Variants in PLA2G2C observed in about 807,000 individuals in gnomAD.
The protein encoded by PLA2G2C is phospholipase A2 group IIC, also known as putative inactive group IIC secretory phospholipase A2.
In PLA2G2C, 15 loss-of-function variants were observed where a neutral mutation model predicts 14.3. That is an observed-to-expected ratio of 1.05 (90% CI 0.70 to 1.62). The LOEUF is 1.62. Ranked by LOEUF, PLA2G2C falls within the 40% of genes most tolerant of loss-of-function variation. PLA2G2C has a pLI of 0.00. For synonymous variants in PLA2G2C, 79 were observed against 67.7 expected, an observed-to-expected ratio of 1.17 and a Z score of -0.82; for missense variants, 162 against 173.2, an observed-to-expected ratio of 0.94 and a Z score of 0.36.
At chr1:20,173,916 G>A (rs1223420403) in intron 3 of PLA2G2C, among the ~76,000 whole-genome samples, 1 of 152,188 alleles carries the variant, frequency 6.6e-6, no homozygotes, top group Admixed American at 6.5e-5. Context: ...GACCATCAAG[G>A]AGAGGGGACA....
chr1:20,171,681 C>A (rs2018076884), intron 4 of PLA2G2C, among the ~76,000 whole-genome samples: 1 of 152,150 alleles, frequency 6.6e-6, no homozygotes, highest in African/African-American at 2.4e-5. Context: ...ATAAATACAC[C>A]TGGGAAGGAA....
intron 4 of PLA2G2C, among the ~76,000 whole-genome samples, chr1:20,164,554 G>A (rs1207466408): frequency 6.6e-6 from 1 of 152,232 alleles, no homozygotes; most frequent in Non-Finnish European, 1.5e-5. Flanking sequence ...CGTGGGCTGC[G>A]TGGAGGGCCC....
intron 4 of PLA2G2C, among the ~76,000 whole-genome samples, chr1:20,164,586 C>T (rs1261384972): frequency 6.6e-6 from 1 of 152,194 alleles, no homozygotes; most frequent in Non-Finnish European, 1.5e-5. Context: ...GCCCAGGCAG[C>T]ACACAGGCCA....
At chr1:20,186,330 C>G (rs1011313105) in intron 1 of PLA2G2C, 30 bp downstream of exon 1, 6 of 152,262 alleles carry the variant, frequency 3.9e-5, no homozygotes, top group African/African-American at 1.2e-4. Flanking sequence ...AGTCTGCTCC[C>G]GAGGCAAAGC....
At chr1:20,165,206 T>A (rs575355389) in intron 4 of PLA2G2C, among the ~76,000 whole-genome samples, 3 of 152,280 alleles carry the variant, frequency 2.0e-5, no homozygotes, top group Admixed American at 2.0e-4. Context: ...TTGGACTTGC[T>A]GTTCTTTTTG....
intron 1 of PLA2G2C, among the ~76,000 whole-genome samples, chr1:20,180,870 C>T (rs1207906154): frequency 1.3e-5 from 2 of 152,198 alleles, no homozygotes; most frequent in Admixed American, 6.5e-5. Flanking sequence ...CATCTGGGTC[C>T]TTTCCTGGAC....
intron 1 of PLA2G2C, among the ~76,000 whole-genome samples, chr1:20,181,469 C>A (rs2018278208): frequency 1.3e-5 from 2 of 151,928 alleles, no homozygotes; most frequent in African/African-American, 4.8e-5. Context: ...ACTGAGAGGT[C>A]CCAGACTTAA....
rs146717203 is a variant in PLA2G2C, at chr1:20,182,819, C to A, written c.-77+3541G>T. Among the ~76,000 whole-genome samples, 13 of 152,342 alleles carry A rather than the reference C, an allele frequency of 8.5e-5. No individual in the cohort carries two copies. In the East Asian group the frequency reaches 2.5e-3, roughly 29 times the overall value. On this transcript the variant is annotated intron_variant, in intron 1 of 4. Transcript: ENST00000679259. ...CTCTGAAATCTAGAAATCACTAATT[C>A]AAAATGGGGCCAAACACTCTGTGGG...
At chr1:20,184,639 G>T (rs993354514) in intron 1 of PLA2G2C, 1 of 152,336 alleles carries the variant, frequency 6.6e-6, no homozygotes, top group Admixed American at 6.5e-5. Context: ...GAGAGAATCA[G>T]AAGACATTAG....
At position 20,185,348 on chromosome 1, in the gene PLA2G2C, G is replaced by A. The variant is rs146049685; in HGVS notation, c.-77+1012C>T. Among the ~76,000 whole-genome samples, 118 of 152,292 alleles carry A rather than the reference G, an allele frequency of 7.7e-4. 1 individual carries two copies. The highest frequency in any genetic ancestry group is 2.7e-3 in the African/African-American group (114 of 41,550). On this transcript the variant is annotated intron_variant, in intron 1 of 4. Coordinates refer to ENST00000679259, the MANE Select transcript of PLA2G2C (RefSeq NM_001367969.2). ...ATCAGATGGAAGGAGAGTAGGACTC[G>A]GGCAGGGAGGATCCTTTTGAGAATG...
At chr1:20,182,924 TG>T (rs2018297666) in intron 1 of PLA2G2C, among the ~76,000 whole-genome samples, 1 of 152,226 alleles carries the variant, frequency 6.6e-6, no homozygotes, top group Non-Finnish European at 1.5e-5. Context: ...CAAATATGGT[TG>T]GGGAGGATAC....
intron 1 of PLA2G2C, among the ~76,000 whole-genome samples, chr1:20,181,805 A>G (rs989472343): frequency 1.7e-4 from 26 of 152,310 alleles, no homozygotes; most frequent in African/African-American, 5.5e-4. Flanking sequence ...CATCCACATC[A>G]AACTAGTGCA....
Position 20,163,780 on chromosome 1 carries a change from A to C in PLA2G2C, c.*211T>G, listed in dbSNP as rs1393730655. ...CCAGCTCCTGCAGGGCAGGCATCTC[A>C]TCTTTCCCATTTCTGCTCTCCAGCC... On this transcript the variant is annotated 3_prime_UTR_variant, in exon 5 of 5. Transcript: ENST00000679259. 1 of 569,572 alleles carries C rather than the reference A, an allele frequency of 1.8e-6. No homozygotes were observed. The highest frequency in any genetic ancestry group is 3.0e-6 in the Non-Finnish European group (1 of 328,162). 35.3% of individuals were successfully genotyped at this position (569,572 alleles called of 1,614,324 possible). A position where few individuals can be genotyped will look rare whatever the true frequency, so the allele number is the denominator to read the frequency against.
At chr1:20,165,196 T>C (rs2017955391) in intron 4 of PLA2G2C, among the ~76,000 whole-genome samples, 3 of 152,196 alleles carry the variant, frequency 2.0e-5, no homozygotes, top group African/African-American at 7.2e-5. Context: ...CTCTGGGCCT[T>C]TGGACTTGCT....
At chr1:20,171,054 G>A (rs1463723525) in intron 4 of PLA2G2C, among the ~76,000 whole-genome samples, 2 of 141,614 alleles carry the variant, frequency 1.4e-5, no homozygotes, top group Non-Finnish European at 3.1e-5. Flanking sequence ...CAGCCCTGGC[G>A]AGTGCAGCCA....
Position 20,163,911 on chromosome 1 carries a change from T to G in PLA2G2C, c.*80A>C. 1.4e-6 allele frequency: 2 copies of G among 1,435,370 alleles called. No individual in the cohort carries two copies. The highest frequency in any genetic ancestry group is 1.9e-6 in the Non-Finnish European group (2 of 1,064,642). 88.9% of individuals were successfully genotyped at this position (1,435,370 alleles called of 1,614,324 possible). ...CTCCCAGTGGAAGAACAGGGGCCTG[T>G]TGGGGATGATCTGAGAAGGCTTCCT... On this transcript the variant is annotated 3_prime_UTR_variant, in exon 5 of 5. Transcript: ENST00000679259.
intron 4 of PLA2G2C, among the ~76,000 whole-genome samples, chr1:20,168,050 A>G (rs912668305): frequency 6.6e-6 from 1 of 152,200 alleles, no homozygotes; most frequent in African/African-American, 2.4e-5. Context: ...TCTGACCCCA[A>G]CATGCAGTAA....
In PLA2G2C at chr1:20,163,761, C is replaced by T. The variant is rs1176873530; in HGVS notation, c.*230G>A. 9.4e-6 allele frequency: 5 copies of T among 529,558 alleles called. No individual in the cohort carries two copies. The highest frequency in any genetic ancestry group is 3.5e-5 in the Admixed American group (1 of 28,586). 32.8% of individuals were successfully genotyped at this position (529,558 alleles called of 1,614,324 possible). On this transcript the variant is annotated 3_prime_UTR_variant, in exon 5 of 5. Coordinates refer to ENST00000679259, the MANE Select transcript of PLA2G2C (RefSeq NM_001367969.2). ...CTCCCCACTCCACAGAATGCCAGCT[C>T]CTGCAGGGCAGGCATCTCATCTTTC... is the stretch of plus-strand genomic sequence containing the variant.
intron 4 of PLA2G2C, among the ~76,000 whole-genome samples, chr1:20,167,020 T>C (rs1350743181): frequency 2.0e-5 from 3 of 152,170 alleles, no homozygotes; most frequent in African/African-American, 4.8e-5. Flanking sequence ...AACTGAGGCA[T>C]GAAGAAAGGA....
Sources: gnomAD v4.1 joint callset for allele counts (sites outside exome capture counted in the v4.1 genomes callset) on GRCh38, gnomAD v4.1.1 for gene constraint, MANE v1.5 for transcripts, NCBI Gene and HGNC (gene_info 2026-07-23, HGNC 2026-07-21) for gene names.